Variants in RFFL observed in about 807,000 individuals in gnomAD.
The protein encoded by RFFL is E3 ubiquitin-protein ligase rififylin.
A neutral mutation model predicts 40.4 loss-of-function variants in RFFL; 16 were observed. That is an observed-to-expected ratio of 0.40 (90% CI 0.27 to 0.60). The LOEUF is 0.60. Among genes scored for constraint, RFFL ranks in the 20% least tolerant of loss-of-function variants. The pLI is 0.47. For synonymous variants in RFFL, 154 were observed against 167.9 expected, an observed-to-expected ratio of 0.92 and a Z score of 0.64; for missense variants, 367 against 451.7, an observed-to-expected ratio of 0.81 and a Z score of 1.70.
intron 6 of RFFL, 83 bp from the exon 7 acceptor site, chr17:35,012,232 A>T: frequency 5.1e-6 from 6 of 1,176,610 alleles, no homozygotes; most frequent in African/African-American, 1.5e-5. Context: ...TGGGGGAGGG[A>T]GGTGGGAGAT....
intron 1 of RFFL, among the ~76,000 whole-genome samples, chr17:35,037,957 GAA>G (rs774404760): frequency 3.9e-5 from 6 of 152,070 alleles, no homozygotes; most frequent in Non-Finnish European, 7.4e-5. Context: ...TAGCTAAAAT[GAA>G]AAAGAGATAC....
At chr17:35,016,323 C>T in intron 5 of RFFL, 47 bp downstream of exon 5, 2 of 1,556,504 alleles carry the variant, frequency 1.3e-6, no homozygotes, top group Non-Finnish European at 1.8e-6. Context: ...GGAGTGACAG[C>T]AAACACTCCT....
Position 35,021,566 on chromosome 17 carries a change from C to A in RFFL, c.396G>T (p.Leu132Phe), listed in dbSNP as rs1419435391. 1 of 1,614,142 alleles carries A rather than the reference C, an allele frequency of 6.2e-7. No homozygotes were observed. The highest frequency in any genetic ancestry group is 8.5e-7 in the Non-Finnish European group (1 of 1,180,004). The change falls in exon 3 of 7, where the codon TTG becomes TTT. Residue 132 changes from leucine (L) to phenylalanine (F), a missense_variant. Transcript: ENST00000394597. ...AGATTACAGGCTGCTGGCCAAGGACCAAGAGCACCAGCTCTTCTTTCTCCC... is the reference window on the plus strand; with the variant it reads ...AGATTACAGGCTGCTGGCCAAGGACAAAGAGCACCAGCTCTTCTTTCTCCC... The part of the protein sequence containing the change: ...MCREKEELVL[L>F]VLGQQPVISQ...
intron 1 of RFFL, among the ~76,000 whole-genome samples, chr17:35,036,834 G>A (rs1255372140): frequency 2.0e-5 from 3 of 152,130 alleles, no homozygotes; most frequent in African/African-American, 4.8e-5. Context: ...ACACTTCTCC[G>A]CTTGTTCACC....
chr17:35,079,593 T>C (rs1028895926), intron 1 of RFFL, among the ~76,000 whole-genome samples: 1 of 152,216 alleles, frequency 6.6e-6, no homozygotes, highest in African/African-American at 2.4e-5. Flanking sequence ...AGAACTACTA[T>C]CATTTTAATG....
intron 3 of RFFL, among the ~76,000 whole-genome samples, chr17:35,021,050 G>T (rs1457343655): frequency 3.3e-5 from 5 of 152,180 alleles, no homozygotes; most frequent in Non-Finnish European, 7.3e-5. Context: ...AATTGGAACA[G>T]AACTAAATTT....
chr17:35,066,668 T>A (rs2091322280), upstream of RFFL, among the ~76,000 whole-genome samples: 1 of 152,196 alleles, frequency 6.6e-6, no homozygotes, highest in Admixed American at 6.5e-5. Flanking sequence ...CCCTTTTATC[T>A]ACTTCCCTAC....
At chr17:35,016,869 G>A (rs1171207148) in intron 4 of RFFL, among the ~76,000 whole-genome samples, 6 of 152,114 alleles carry the variant, frequency 3.9e-5, no homozygotes, top group Non-Finnish European at 7.4e-5. Context: ...TGAGTCATAT[G>A]ACCCTAATTT....
intron 1 of RFFL, among the ~76,000 whole-genome samples, chr17:35,079,615 T>C (rs2091394655): frequency 1.3e-5 from 2 of 152,182 alleles, no homozygotes; most frequent in African/African-American, 4.8e-5. Context: ...CCCCCATTAA[T>C]TGGTGGGCTC....
intron 1 of RFFL, among the ~76,000 whole-genome samples, chr17:35,037,407 G>T (rs2091130777): frequency 6.6e-6 from 1 of 152,206 alleles, no homozygotes; most frequent in African/African-American, 2.4e-5. Context: ...AAAGACAATT[G>T]CAATGGTTTT....
chr17:35,013,264 G>A (rs560779716), intron 6 of RFFL, among the ~76,000 whole-genome samples: 4 of 152,352 alleles, frequency 2.6e-5, no homozygotes, highest in Admixed American at 2.0e-4. Flanking sequence ...CTGCCTAACT[G>A]CCCTAAGAGT....
At chr17:35,012,630 C>T (rs924881931) in intron 6 of RFFL, among the ~76,000 whole-genome samples, 3 of 152,190 alleles carry the variant, frequency 2.0e-5, no homozygotes, top group Non-Finnish European at 4.4e-5. Flanking sequence ...TATCTATAAA[C>T]ATATCCTCCA....
chr17:35,057,645 A>G (rs997676475), intron 1 of RFFL, among the ~76,000 whole-genome samples: 2 of 148,528 alleles, frequency 1.3e-5, no homozygotes, highest in African/African-American at 5.0e-5. Flanking sequence ...TGCCTGCTAA[A>G]TTTCCATACC....
chr17:35,065,148 TAA>T (rs1279111626), upstream of RFFL, among the ~76,000 whole-genome samples: 1 of 151,836 alleles, frequency 6.6e-6, no homozygotes, highest in Non-Finnish European at 1.5e-5. Context: ...TAGTTGATGA[TAA>T]GTTACAAATT....
chr17:35,018,339 T>G (rs1408663852), intron 3 of RFFL, among the ~76,000 whole-genome samples: 1 of 152,216 alleles, frequency 6.6e-6, no homozygotes, highest in Non-Finnish European at 1.5e-5. Context: ...CTTACGGAAT[T>G]TCATTATGCT....
chr17:35,058,299 C>A (rs1046974221), intron 1 of RFFL, among the ~76,000 whole-genome samples: 5 of 152,082 alleles, frequency 3.3e-5, no homozygotes, highest in African/African-American at 1.2e-4. Flanking sequence ...AACACAACAC[C>A]CCCAGGAGAC....
chr17:35,064,138 C>T (rs1597838154), upstream of RFFL, among the ~76,000 whole-genome samples: 1 of 152,330 alleles, frequency 6.6e-6, no homozygotes. Flanking sequence ...ACTCAGGGAA[C>T]TTGCCCAGTC....
chr17:35,080,419 T>C (rs578068085), intron 1 of RFFL, among the ~76,000 whole-genome samples: 1 of 152,246 alleles, frequency 6.6e-6, no homozygotes, highest in East Asian at 1.9e-4. Flanking sequence ...TATTTTAGGA[T>C]AAAATACGTT....
In RFFL at chr17:35,017,618, G is replaced by C. The variant is rs552056425; in HGVS notation, c.592-12C>G. The C allele has an allele frequency of 6.3e-7, 1 of 1,577,936 alleles. No homozygotes were observed. The highest frequency in any genetic ancestry group is 1.7e-5 in the Admixed American group (1 of 58,988). On this transcript the variant is annotated splice_polypyrimidine_tract_variant and intron_variant, in intron 3 of 6. Transcript: ENST00000394597. ...ACATGGCCATTGGCCTGTGGGAAGA[G>C]AAAAGTAACATCACATCTAGAGATG...
Sources: gnomAD v4.1 joint callset for allele counts (sites outside exome capture counted in the v4.1 genomes callset) on GRCh38, gnomAD v4.1.1 for gene constraint, MANE v1.5 for transcripts, NCBI Gene and HGNC (gene_info 2026-07-23, HGNC 2026-07-21) for gene names.